The following MTREX variants were observed in gnomAD, a reference collection of about 807,000 sequenced individuals.
MTREX encodes the protein Mtr4 exosome RNA helicase.
Under a neutral mutation model 135.4 loss-of-function variants are expected in MTREX, and 76 were observed. That is an observed-to-expected ratio of 0.56 (90% CI 0.47 to 0.68). MTREX has a LOEUF of 0.68. Among genes scored for constraint, MTREX ranks in the 30% least tolerant of loss-of-function variants. MTREX has a pLI of 0.00. For synonymous variants in MTREX, 404 were observed against 401.6 expected (o/e 1.01, Z -0.07); for missense variants, 920 against 1,262.1 (o/e 0.73, Z 4.11).
At chr5:55,415,536 T>G (rs1750953877) in intron 24 of MTREX, among the ~76,000 whole-genome samples, 1 of 152,168 alleles carries the variant, frequency 6.6e-6, no homozygotes, top group African/African-American at 2.4e-5. Context: ...AGAATGAAGT[T>G]TCTCAACTTA....
intron 18 of MTREX, among the ~76,000 whole-genome samples, chr5:55,383,671 T>G (rs1409479105): frequency 6.6e-6 from 1 of 152,234 alleles, no homozygotes; most frequent in Non-Finnish European, 1.5e-5. Flanking sequence ...CCAAACTTCT[T>G]TGCCTTTATC....
At chr5:55,407,826 T>C (rs1351542059) in intron 22 of MTREX, among the ~76,000 whole-genome samples, 1 of 151,976 alleles carries the variant, frequency 6.6e-6, no homozygotes, top group Non-Finnish European at 1.5e-5. Context: ...CAATCTCGGC[T>C]CACCGCAGCC....
chr5:55,353,223 T>G lies in MTREX; in HGVS notation c.1487T>G (p.Val496Gly). 6.2e-7 allele frequency: 1 copy of G among 1,610,538 alleles called. No individual in the cohort carries two copies. The highest frequency in any genetic ancestry group is 1.7e-5 in the Admixed American group (1 of 59,482). Residue 496 changes from valine to glycine, a missense_variant, in exon 14 of 27, where the codon GTT (valine) becomes GGT (glycine). Val to Gly is a moderately radical substitution (Grantham distance 109). Transcript: ENST00000230640. ...GGAATTAACATGCCAGCTAGAACTG[T>G]TTTATTTACAAATGCCCGCAAATTT... ...AMGINMPART[V>G]LFTNARKFDG...
intron 23 of MTREX, 123 bp downstream of exon 23, chr5:55,410,752 T>C (rs1238730590): frequency 2.2e-6 from 1 of 463,906 alleles, no homozygotes; most frequent in Non-Finnish European, 3.7e-6. Context: ...TAATTGGAAA[T>C]CACAGCAACT....
intron 25 of MTREX, among the ~76,000 whole-genome samples, chr5:55,421,073 G>A (rs1751047548): frequency 6.6e-6 from 1 of 152,180 alleles, no homozygotes. Flanking sequence ...TAACAAACCA[G>A]TAGGTTAATG....
chr5:55,395,344 T>G (rs1750630291), intron 19 of MTREX, among the ~76,000 whole-genome samples: 1 of 151,926 alleles, frequency 6.6e-6, no homozygotes, highest in African/African-American at 2.4e-5. Context: ...AGGTAGAGAT[T>G]TCAGTGAGCC....
chr5:55,327,517 G>T, intron 3 of MTREX, 199 bp from the exon 4 acceptor site: 1 of 528,930 alleles, frequency 1.9e-6, no homozygotes, highest in Non-Finnish European at 3.4e-6. Context: ...GCGAGTAGAT[G>T]TAATTTCTGA....
intron 2 of MTREX, 71 bp downstream of exon 2, chr5:55,322,535 C>G: frequency 2.6e-6 from 3 of 1,157,682 alleles, no homozygotes; most frequent in Non-Finnish European, 3.6e-6. Context: ...TAAAAATTGT[C>G]TCCATGTTGC....
At chr5:55,399,733 C>A (rs1750695564) in intron 20 of MTREX, among the ~76,000 whole-genome samples, 1 of 152,138 alleles carries the variant, frequency 6.6e-6, no homozygotes, top group African/African-American at 2.4e-5. Flanking sequence ...GTGATCCGCC[C>A]ACCTCGGCCT....
chr5:55,313,397 T>G (rs1305016509), intron 1 of MTREX, among the ~76,000 whole-genome samples: 1 of 152,068 alleles, frequency 6.6e-6, no homozygotes, highest in Non-Finnish European at 1.5e-5. Flanking sequence ...GCTGTGATCA[T>G]GACACTGCAC....
intron 18 of MTREX, among the ~76,000 whole-genome samples, chr5:55,379,674 C>T (rs925924584): frequency 2.6e-5 from 4 of 152,030 alleles, no homozygotes. Context: ...ATGAGGTTAA[C>T]TGGACAGAGT....
At chr5:55,354,951 G>A (rs145954177) in intron 14 of MTREX, among the ~76,000 whole-genome samples, 23 of 152,328 alleles carry the variant, frequency 1.5e-4, no homozygotes, top group African/African-American at 5.1e-4. Flanking sequence ...GGTCCAGACT[G>A]GAAGGCTAAT....
rs35074192 is a variant in MTREX at position 55,362,083 on chromosome 5, A to ATTTTTTTT, written c.1659+3400_1659+3407dup. On this transcript the variant is annotated intron_variant, in intron 15 of 26. Transcript: ENST00000230640. Reference sequence around the variant, plus strand: ...AGGCATGCACCACCACGTCTGGCTAATTTTTTTTTTTTTTTTTTTTTTGTA... The same window carrying ATTTTTTTT: ...AGGCATGCACCACCACGTCTGGCTAATTTTTTTTTTTTTTTTTTTTTTTTTTTTTTGTA... Among the ~76,000 whole-genome samples the ATTTTTTTT allele has an allele frequency of 1.6e-3, 181 of 111,118 alleles. 4 individuals are homozygous for ATTTTTTTT. Among genetic ancestry groups the ATTTTTTTT allele is most frequent in the African/African-American group, 5.5e-3 (143 of 25,860 alleles). The allele number at this position is 111,118 out of a possible 152,430, so 72.9% of individuals were successfully genotyped here.
At chr5:55,374,264 T>TTATATATATA (rs763872215) in intron 16 of MTREX, among the ~76,000 whole-genome samples, 1,598 of 139,614 alleles carry the variant, frequency 0.011, 24 homozygotes, top group East Asian at 0.048. Context: ...CAAAAAACAT[T>TTATATATATA]TATATATATA....
intron 19 of MTREX, among the ~76,000 whole-genome samples, chr5:55,393,805 A>T (rs756256619): frequency 6.6e-6 from 1 of 152,220 alleles, no homozygotes; most frequent in Non-Finnish European, 1.5e-5. Context: ...TGCAAATATT[A>T]TGATGTTTTT....
chr5:55,308,770 C>T (rs1561180775), intron 1 of MTREX, among the ~76,000 whole-genome samples: 1 of 152,150 alleles, frequency 6.6e-6, no homozygotes, highest in Non-Finnish European at 1.5e-5. Context: ...TAGACTGGTG[C>T]ATACAGCCAC....
At chr5:55,415,734 G>A (rs1750956422) in intron 24 of MTREX, among the ~76,000 whole-genome samples, 1 of 152,174 alleles carries the variant, frequency 6.6e-6, no homozygotes, top group Non-Finnish European at 1.5e-5. Flanking sequence ...TGGCTGAAAA[G>A]CATGCTCTTG....
intron 9 of MTREX, 44 bp downstream of exon 9, chr5:55,344,664 T>C (rs2112061946): frequency 2.8e-6 from 3 of 1,088,194 alleles, no homozygotes; most frequent in East Asian, 2.5e-5. Context: ...TGTCATACTT[T>C]ATTATTAATA....
At chr5:55,321,287 T>C (rs141059942) in intron 1 of MTREX, among the ~76,000 whole-genome samples, 1 of 152,298 alleles carries the variant, frequency 6.6e-6, no homozygotes, top group Non-Finnish European at 1.5e-5. Flanking sequence ...TTTACAATTC[T>C]GTCATAAGTA....
Sources: allele counts gnomAD v4.1 joint callset (sites outside exome capture counted in the v4.1 genomes callset), GRCh38; gene constraint gnomAD v4.1.1; transcripts MANE v1.5; gene names NCBI Gene and HGNC (gene_info 2026-07-23, HGNC 2026-07-21).